Variants in IGSF10 observed in about 807,000 individuals in gnomAD.
IGSF10 encodes calvaria mechanical force protein 608.
In IGSF10, 126 loss-of-function variants were observed where a neutral mutation model predicts 128.2. That is an observed-to-expected ratio of 0.98 (90% CI 0.85 to 1.14). The LOEUF is 1.14. IGSF10 is among the 50% of genes most tolerant of loss of function. The probability of loss-of-function intolerance (pLI) is 0.00; values close to 1 mark genes in which losing one functional copy is unlikely to be tolerated. For synonymous variants in IGSF10, 1,185 were observed against 1,146.2 expected (o/e 1.03, Z -0.68); for missense variants, 3,295 against 3,149.8 (o/e 1.05, Z -1.10).
chr3:151,437,154 T>C lies in IGSF10; in HGVS notation c.7407A>G (p.Pro2469=). 2 of 1,614,200 alleles carry C rather than the reference T, an allele frequency of 1.2e-6. No individual in the cohort carries two copies. The highest frequency in any genetic ancestry group is 1.7e-6 in the Non-Finnish European group (2 of 1,180,028). The change falls in exon 8 of 8, where the codon CCA becomes CCG. Residue 2469 remains proline, a synonymous_variant. Transcript: ENST00000282466. ...GAGGCCTGTCTACTACATAACCACT[T>C]GGCATAGTCCATTTGATATTTGGCT... ...IPKPNIKWTM[P]SGYVVDRPQI...
the IGSF10 span, among the ~76,000 whole-genome samples, chr3:151,538,859 AG>A: frequency 6.6e-6 from 1 of 152,186 alleles, no homozygotes; most frequent in Non-Finnish European, 1.5e-5. Context: ...ACAGGCAGCA[AG>A]GGCTCAGGGA....
the IGSF10 span, among the ~76,000 whole-genome samples, chr3:151,514,243 A>G: frequency 4.7e-4 from 72 of 152,314 alleles, no homozygotes; most frequent in African/African-American, 1.7e-3. Flanking sequence ...TACAGTAACC[A>G]AAACAGCATG....
chr3:151,525,754 A>G, the IGSF10 span, among the ~76,000 whole-genome samples: 1 of 152,150 alleles, frequency 6.6e-6, no homozygotes, highest in Admixed American at 6.5e-5. Context: ...TTCCTTCAAC[A>G]AGAGCCCAAT....
At position 151,459,274 on chromosome 3, in the gene IGSF10, G is replaced by A. The variant is rs191508068; in HGVS notation, c.-1-564C>T. Reference sequence around the variant, plus strand: ...TATGTATAGGTGTACATACATTTACGTGTATATGTGTACATGTGATCAAAC... The same window carrying A: ...TATGTATAGGTGTACATACATTTACATGTATATGTGTACATGTGATCAAAC... On this transcript the variant is annotated intron_variant, in intron 2 of 7. Coordinates refer to ENST00000282466, the MANE Select transcript of IGSF10 (RefSeq NM_178822.5). Among the ~76,000 whole-genome samples, 514 of 152,118 alleles carry A rather than the reference G, an allele frequency of 3.4e-3. 3 individuals carry two copies. Among genetic ancestry groups the A allele is most frequent in the African/African-American group, 0.012 (498 of 41,498 alleles).
At chr3:151,525,614 G>A in the IGSF10 span, among the ~76,000 whole-genome samples, 8 of 152,222 alleles carry the variant, frequency 5.3e-5, no homozygotes, top group East Asian at 1.9e-4. Context: ...GATTATTCAC[G>A]TTGTTGGTAG....
chr3:151,593,774 T>C, the IGSF10 span, among the ~76,000 whole-genome samples: 2 of 152,224 alleles, frequency 1.3e-5, no homozygotes. Context: ...GAACTAGCAT[T>C]AGGGAGATTC....
the IGSF10 span, among the ~76,000 whole-genome samples, chr3:151,553,975 A>AC: frequency 0.024 from 2,653 of 110,220 alleles, 27 homozygotes; most frequent in Middle Eastern, 0.067. Context: ...AACAACAACA[A>AC]AAAAAAAACA....
the IGSF10 span, among the ~76,000 whole-genome samples, chr3:151,520,154 T>C: frequency 6.6e-6 from 1 of 151,906 alleles, no homozygotes; most frequent in East Asian, 1.9e-4. Context: ...CTTTTTCAGA[T>C]ATTCAGGATT....
chr3:151,466,245 G>A, the IGSF10 span, among the ~76,000 whole-genome samples: 6 of 152,036 alleles, frequency 3.9e-5, no homozygotes, highest in East Asian at 5.8e-4. Flanking sequence ...GTGACCAGGC[G>A]AGGTACCCGC....
rs770231206 is a variant in IGSF10, at chr3:151,453,775, C to G, written c.325-1G>C. ...CTTTATTATAGCTCATTTTTAAGAC[C>G]TATGAATTAAAAAAAAGAACATATT... is the stretch of plus-strand genomic sequence containing the variant. On this transcript the variant is annotated splice_acceptor_variant, in intron 4 of 7. Transcript: ENST00000282466. LOFTEE classifies it high-confidence loss of function. 1 of 1,472,946 alleles carries G rather than the reference C, an allele frequency of 6.8e-7. No individual in the cohort carries two copies. The highest frequency in any genetic ancestry group is 9.2e-7 in the Non-Finnish European group (1 of 1,091,352). The allele number at this position is 1,472,946 out of a possible 1,614,324, so 91.2% of individuals were successfully genotyped here.
chr3:151,474,234 T>C, the IGSF10 span, among the ~76,000 whole-genome samples: 1 of 152,132 alleles, frequency 6.6e-6, no homozygotes, highest in Non-Finnish European at 1.5e-5. Context: ...GTTGTACTTA[T>C]CTCACCCCTG....
At chr3:151,568,040 C>T in the IGSF10 span, among the ~76,000 whole-genome samples, 1 of 152,126 alleles carries the variant, frequency 6.6e-6, no homozygotes, top group East Asian at 1.9e-4. Context: ...TTCTTCTGGG[C>T]CTCAATCTTT....
the IGSF10 span, among the ~76,000 whole-genome samples, chr3:151,583,367 T>C: frequency 6.6e-6 from 1 of 152,238 alleles, no homozygotes; most frequent in Non-Finnish European, 1.5e-5. Flanking sequence ...AGCCAAATTA[T>C]ACATTTCAAA....
At chr3:151,449,928 A>G (rs1721431052) in intron 5 of IGSF10, among the ~76,000 whole-genome samples, 1 of 152,206 alleles carries the variant, frequency 6.6e-6, no homozygotes, top group Non-Finnish European at 1.5e-5. Context: ...AGGAAGGGTC[A>G]AGGAAGACTC....
At chr3:151,547,808 T>C in the IGSF10 span, among the ~76,000 whole-genome samples, 1 of 152,252 alleles carries the variant, frequency 6.6e-6, no homozygotes, top group Non-Finnish European at 1.5e-5. Context: ...GCCGGCATGT[T>C]ATTTACAGTT....
chr3:151,532,473 T>C, the IGSF10 span, among the ~76,000 whole-genome samples: 1 of 152,058 alleles, frequency 6.6e-6, no homozygotes, highest in African/African-American at 2.4e-5. Context: ...AAAAAGCTTA[T>C]CCACCAAGAT....
At chr3:151,564,707 C>T in the IGSF10 span, among the ~76,000 whole-genome samples, 2 of 152,070 alleles carry the variant, frequency 1.3e-5, no homozygotes, top group Non-Finnish European at 2.9e-5. Flanking sequence ...GTATGCATGT[C>T]CTTAGAGGCC....
chr3:151,444,844 G>T, intron 6 of IGSF10, 75 bp downstream of exon 6: 1 of 1,380,624 alleles, frequency 7.2e-7, no homozygotes, highest in Non-Finnish European at 9.8e-7. Flanking sequence ...TTCTTTGGAT[G>T]TTTAATCCCA....
In IGSF10 at chr3:151,443,768, T is replaced by G; in HGVS notation, c.5179A>C (p.Asn1727His). Reference protein sequence around the residue: ...DRGQYLCSASNLFGTDHLHVT... With the variant: ...DRGQYLCSASHLFGTDHLHVT... ...TGAAGGTGGTCTGTGCCAAACAGAT[T>G]GGATGCGGAACACAAGTACTGTCCG... The change falls in exon 7 of 8, where the codon AAT becomes CAT. Residue 1727 changes from asparagine (N) to histidine (H), a missense_variant. By Grantham distance (68) the Asn-to-His change is moderately conservative. Transcript: ENST00000282466. 6.2e-7 allele frequency: 1 copy of G among 1,614,148 alleles called. No homozygotes were observed. Among genetic ancestry groups the G allele is most frequent in the Non-Finnish European group, 8.5e-7 (1 of 1,180,030 alleles).
Sources: allele counts gnomAD v4.1 joint callset (sites outside exome capture counted in the v4.1 genomes callset), GRCh38; gene constraint gnomAD v4.1.1; transcripts MANE v1.5; gene names NCBI Gene and HGNC (gene_info 2026-07-23, HGNC 2026-07-21).